Variants in ZNF600 observed in about 807,000 individuals in gnomAD.
ZNF600 encodes zinc finger protein KR-ZNF1.
A neutral mutation model predicts 7.3 loss-of-function variants in ZNF600; 4 were observed. The observed-to-expected ratio is 0.55, with a 90% CI of 0.27 to 1.25. The LOEUF (loss-of-function observed/expected upper bound fraction) is 1.25. Among genes scored for constraint, ZNF600 ranks in the 50% most tolerant of loss-of-function variants. The pLI, the probability that ZNF600 is intolerant of heterozygous loss-of-function variation, is 0.12. For missense variants in ZNF600, 911 were observed against 922.1 expected (o/e 0.99, Z 0.16); for synonymous variants, 290 against 308.9 (o/e 0.94, Z 0.64).
At chr19:52,818,917 T>G in the ZNF600 span, among the ~76,000 whole-genome samples, 2 of 135,552 alleles carry the variant, frequency 1.5e-5, no homozygotes, top group South Asian at 2.7e-4. Flanking sequence ...GCATTTCTGA[T>G]GGGACTGACA....
chr19:52,786,789 A>G, exon 1 of ZNF600: 1 of 384,138 alleles, frequency 2.6e-6, no homozygotes, highest in Non-Finnish European at 5.5e-6. Flanking sequence ...CGCGCCCAGG[A>G]CTGAAGCCAG....
chr19:52,769,083 T>C lies in ZNF600; in HGVS notation c.191-1311A>G, dbSNP rs1453489716. On this transcript the variant is annotated intron_variant, in intron 3 of 3. Transcript: ENST00000648973. Reference sequence around the variant, plus strand: ...GCAGTGATGCCAGCGTCTGGGAAGATGCCCGTTGCCAAGCGGACCATGGTC... The same window carrying C: ...GCAGTGATGCCAGCGTCTGGGAAGACGCCCGTTGCCAAGCGGACCATGGTC... Among the ~76,000 whole-genome samples the C allele has an allele frequency of 4.6e-5, 7 of 152,240 alleles. No homozygotes were observed. The South Asian group carries it at 8.3e-4, about 18-fold the overall frequency.
chr19:52,784,390 A>G (rs551939245), intron 1 of ZNF600, among the ~76,000 whole-genome samples: 4 of 152,318 alleles, frequency 2.6e-5, no homozygotes, highest in African/African-American at 9.6e-5. Context: ...TGGGTGACAG[A>G]GCCAGACCCT....
At chr19:52,774,241 C>T (rs1258138386) in intron 3 of ZNF600, among the ~76,000 whole-genome samples, 1 of 151,102 alleles carries the variant, frequency 6.6e-6, no homozygotes, top group Non-Finnish European at 1.5e-5. Flanking sequence ...ACGAGTCTGA[C>T]CAACATAGAG....
At chr19:52,826,250 T>C in the ZNF600 span, among the ~76,000 whole-genome samples, 1 of 152,116 alleles carries the variant, frequency 6.6e-6, no homozygotes. Flanking sequence ...TTACCTCCAC[T>C]TTCCATTCCA....
the ZNF600 span, among the ~76,000 whole-genome samples, chr19:52,831,489 A>G: frequency 3.4e-5 from 5 of 148,936 alleles, no homozygotes; most frequent in Non-Finnish European, 7.4e-5. Context: ...GTTTGTATTT[A>G]TTTTTGTTTT....
chr19:52,830,972 T>C, the ZNF600 span, among the ~76,000 whole-genome samples: 1 of 148,738 alleles, frequency 6.7e-6, no homozygotes, highest in African/African-American at 2.5e-5. Flanking sequence ...AGCTTAAATA[T>C]GCAAATTACA....
At chr19:52,784,942 G>T (rs781619628) in intron 1 of ZNF600, among the ~76,000 whole-genome samples, 6 of 151,656 alleles carry the variant, frequency 4.0e-5, no homozygotes, top group Non-Finnish European at 8.8e-5. Context: ...TCACTATTTT[G>T]CCCAGGCTGG....
intron 2 of ZNF600, among the ~76,000 whole-genome samples, chr19:52,775,997 C>A (rs1042152314): frequency 2.7e-5 from 4 of 149,040 alleles, no homozygotes; most frequent in African/African-American, 1.0e-4. Flanking sequence ...CAGAGCAATA[C>A]TCTGACTCCA....
chr19:52,792,141 C>T, the ZNF600 span, among the ~76,000 whole-genome samples: 7 of 152,352 alleles, frequency 4.6e-5, no homozygotes, highest in African/African-American at 1.4e-4. Flanking sequence ...CACAGCCCCA[C>T]GTTCAGGCTC....
upstream of ZNF600, among the ~76,000 whole-genome samples, chr19:52,791,569 G>A (rs1296511591): frequency 6.9e-6 from 1 of 144,534 alleles, no homozygotes; most frequent in Non-Finnish European, 1.5e-5. Context: ...TGAGTCCTTA[G>A]AAATCAATCC....
At chr19:52,787,890 G>GAAAA (rs1568638553), upstream of ZNF600, among the ~76,000 whole-genome samples, 35 of 50,652 alleles carry the variant, frequency 6.9e-4, 4 homozygotes, top group Middle Eastern at 0.012. Flanking sequence ...AAAAGAAAAA[G>GAAAA]AAATATCTCC....
the ZNF600 span, among the ~76,000 whole-genome samples, chr19:52,795,677 C>A: frequency 6.6e-6 from 1 of 152,118 alleles, no homozygotes; most frequent in Non-Finnish European, 1.5e-5. Context: ...AGCGATTCTC[C>A]TGCCTCAGCC....
the ZNF600 span, among the ~76,000 whole-genome samples, chr19:52,821,930 AAT>A: frequency 1.2e-4 from 11 of 90,436 alleles, no homozygotes; most frequent in African/African-American, 3.6e-4. Context: ...ATAAAAAAAT[AAT>A]AAAAAAAAAA....
chr19:52,815,925 C>T, the ZNF600 span, among the ~76,000 whole-genome samples: 1 of 147,236 alleles, frequency 6.8e-6, no homozygotes, highest in Non-Finnish European at 1.5e-5. Flanking sequence ...TGTAACAAAC[C>T]TTCACATGTA....
the ZNF600 span, chr19:52,800,247 C>A: frequency 3.1e-6 from 5 of 1,611,648 alleles, no homozygotes; most frequent in Non-Finnish European, 4.2e-6. Context: ...TGCTTTTGTA[C>A]TAAAAACCTT....
chr19:52,800,029 G>A, the ZNF600 span: 1 of 1,614,184 alleles, frequency 6.2e-7, no homozygotes, highest in South Asian at 1.1e-5. Flanking sequence ...CACTTGTAAG[G>A]TTTCTCTCCA....
At chr19:52,801,997 C>T in the ZNF600 span, among the ~76,000 whole-genome samples, 1 of 152,022 alleles carries the variant, frequency 6.6e-6, no homozygotes, top group African/African-American at 2.4e-5. Flanking sequence ...AAGTGTATCA[C>T]ACTTTGCAAA....
At chr19:52,786,210 C>G (rs890712532) in intron 1 of ZNF600, among the ~76,000 whole-genome samples, 1 of 152,166 alleles carries the variant, frequency 6.6e-6, no homozygotes, top group African/African-American at 2.4e-5. Context: ...GCGACCCACC[C>G]CAACCCTGGC....
Sources: allele counts gnomAD v4.1 joint callset (sites outside exome capture counted in the v4.1 genomes callset), GRCh38; gene constraint gnomAD v4.1.1; transcripts MANE v1.5; gene names NCBI Gene and HGNC (gene_info 2026-07-23, HGNC 2026-07-21).